Variants in SDK2 observed in about 807,000 individuals in gnomAD.
SDK2 encodes sidekick cell adhesion molecule 2.
SDK2 carries 105 observed loss-of-function variants against 253.9 expected under a neutral mutation model. The observed-to-expected ratio is 0.41, with a 90% CI of 0.35 to 0.49. SDK2 has a LOEUF of 0.49. SDK2 is among the 20% of genes least tolerant of loss of function. SDK2 has a pLI of 0.06. For missense variants in SDK2, 2,608 were observed against 3,003.0 expected (o/e 0.87, Z 3.07); for synonymous variants, 1,249 against 1,234.9 (o/e 1.01, Z -0.24).
intron 14 of SDK2, 138 bp downstream of exon 14, chr17:73,423,248 A>T: frequency 1.3e-6 from 1 of 770,598 alleles, no homozygotes; most frequent in Non-Finnish European, 1.8e-6. Context: ...CAGAGATGGG[A>T]ACGCTGAGGC....
rs373715499 is a variant in SDK2 at position 73,352,507 on chromosome 17, G to A, written c.5724C>T (p.Phe1908=). The change falls in exon 41 of 45, where the codon TTC becomes TTT. Residue 1908 remains phenylalanine (F), a synonymous_variant. Coordinates refer to ENST00000392650, the MANE Select transcript of SDK2 (RefSeq NM_001144952.2). The surrounding 1 kb of genome is among the most constrained non-coding windows in gnomAD (Gnocchi z 4.1). Reference sequence around the variant, plus strand: ...ACTGGGAGGGGCTGCTGGGGGTGCCGAAACCATAGTCGTTGACCGCGATGA... The same window carrying A: ...ACTGGGAGGGGCTGCTGGGGGTGCCAAAACCATAGTCGTTGACCGCGATGA... The part of the protein sequence containing the change: ...FRVIAVNDYG[F]GTPSSPSQSV... The A allele has an allele frequency of 6.2e-5, 100 of 1,613,630 alleles. No individual in the cohort carries two copies. The highest frequency in any genetic ancestry group is 1.1e-4 in the South Asian group (10 of 91,006).
chr17:73,493,025 C>T (rs926008180), intron 2 of SDK2, among the ~76,000 whole-genome samples: 1 of 152,146 alleles, frequency 6.6e-6, no homozygotes, highest in Non-Finnish European at 1.5e-5. Flanking sequence ...TCAGGGTAAG[C>T]GGGGTCTCCA....
At chr17:73,561,875 C>T (rs2045240095) in intron 1 of SDK2, among the ~76,000 whole-genome samples, 1 of 152,208 alleles carries the variant, frequency 6.6e-6, no homozygotes, top group Non-Finnish European at 1.5e-5. Context: ...CCTGTAATCC[C>T]AGCACTTTGG....
intron 14 of SDK2, among the ~76,000 whole-genome samples, chr17:73,423,017 G>A (rs919673708): frequency 5.2e-4 from 43 of 83,016 alleles, no homozygotes; most frequent in Middle Eastern, 5.7e-3. Flanking sequence ...GTGAAACTCC[G>A]TCTCAAAAAT....
chr17:73,440,703 T>A, intron 6 of SDK2, 109 bp downstream of exon 6: 2 of 790,672 alleles, frequency 2.5e-6, no homozygotes, highest in Non-Finnish European at 4.4e-6. Flanking sequence ...TCCTCCCCTG[T>A]CCTGGATCCT....
intron 44 of SDK2, among the ~76,000 whole-genome samples, chr17:73,345,306 C>G (rs181299076): frequency 6.7e-6 from 1 of 150,266 alleles, no homozygotes; most frequent in East Asian, 2.0e-4. Flanking sequence ...GGGACAAGAG[C>G]GAGACTTCAT....
At chr17:73,433,589 G>C in intron 10 of SDK2, 143 bp downstream of exon 10, 1 of 615,450 alleles carries the variant, frequency 1.6e-6, no homozygotes, top group South Asian at 1.9e-5. Context: ...GCGCCCGGCC[G>C]AGAGATGCTC....
intron 1 of SDK2, among the ~76,000 whole-genome samples, chr17:73,559,007 C>T (rs73351519): frequency 0.027 from 4,078 of 152,264 alleles, 209 homozygotes; most frequent in African/African-American, 0.092. Context: ...GAGAAACAAA[C>T]GAAAGTTAGC....
At chr17:73,613,678 C>A (rs2046009599) in intron 1 of SDK2, among the ~76,000 whole-genome samples, 1 of 150,882 alleles carries the variant, frequency 6.6e-6, no homozygotes, top group South Asian at 2.1e-4. Context: ...GGCCAACCCC[C>A]ATCCAGTGGC....
Position 73,379,350 on chromosome 17 carries a change from G to A in SDK2, c.4865-58C>T. On this transcript the variant is annotated intron_variant, in intron 35 of 44. Coordinates refer to ENST00000392650, the MANE Select transcript of SDK2 (RefSeq NM_001144952.2). The surrounding 1 kb of genome is among the most constrained non-coding windows in gnomAD (Gnocchi z 4.5). ...CGAGTAAACCTGGGAGGGGAGGTGG[G>A]CTGGGCGGGATGGGGAGCCCAGATC... The A allele has an allele frequency of 1.4e-6, 2 of 1,465,610 alleles. No individual in the cohort carries two copies. The highest frequency in any genetic ancestry group is 1.2e-5 in the South Asian group (1 of 82,030). The allele number at this position is 1,465,610 out of a possible 1,614,324, so 90.8% of individuals were successfully genotyped here. A position where few individuals can be genotyped will look rare whatever the true frequency, so the allele number is the denominator to read the frequency against.
At chr17:73,555,819 A>G (rs1484958479) in intron 1 of SDK2, among the ~76,000 whole-genome samples, 1 of 152,070 alleles carries the variant, frequency 6.6e-6, no homozygotes, top group African/African-American at 2.4e-5. Context: ...AAAAGCAAAC[A>G]CGGGACTGAA....
intron 3 of SDK2, 69 bp downstream of exon 3, chr17:73,472,043 A>T (rs2063654783): frequency 2.6e-6 from 3 of 1,145,910 alleles, no homozygotes; most frequent in Non-Finnish European, 3.8e-6. Context: ...TCTGCCCAGG[A>T]TGTGGCTGGT....
chr17:73,394,138 C>T (rs1212582227), intron 26 of SDK2, 71 bp downstream of exon 26: 12 of 952,966 alleles, frequency 1.3e-5, no homozygotes, highest in East Asian at 8.3e-5. Context: ...GTGATAAGGA[C>T]AAGGCCCCTT....
intron 24 of SDK2, among the ~76,000 whole-genome samples, chr17:73,396,685 T>C (rs1338140995): frequency 6.6e-6 from 1 of 152,256 alleles, no homozygotes; most frequent in Non-Finnish European, 1.5e-5. Flanking sequence ...TCTAGGGCCC[T>C]GTGCCACATG....
chr17:73,544,500 G>A (rs2044924278), intron 1 of SDK2, among the ~76,000 whole-genome samples: 1 of 152,160 alleles, frequency 6.6e-6, no homozygotes, highest in Non-Finnish European at 1.5e-5. Context: ...ATGGATGGAT[G>A]GAAAGAAGGA....
intron 1 of SDK2, among the ~76,000 whole-genome samples, chr17:73,557,834 C>T (rs2045168425): frequency 6.6e-6 from 1 of 152,104 alleles, no homozygotes; most frequent in Non-Finnish European, 1.5e-5. Flanking sequence ...TCTGTGAGTC[C>T]AGATTTCCTG....
At chr17:73,358,037 A>T (rs369489196) in intron 40 of SDK2, 42 bp downstream of exon 40, 25 of 1,611,746 alleles carry the variant, frequency 1.6e-5, no homozygotes, top group Middle Eastern at 3.3e-4. Flanking sequence ...AAGAAGGGAG[A>T]TAATGAGCTG....
intron 1 of SDK2, among the ~76,000 whole-genome samples, chr17:73,561,247 G>GC: frequency 6.6e-6 from 1 of 152,306 alleles, no homozygotes; most frequent in Admixed American, 6.5e-5. Flanking sequence ...GGTTGGTAGG[G>GC]CCGATGCCTT....
chr17:73,470,426 C>T (rs2063641213), intron 3 of SDK2, among the ~76,000 whole-genome samples: 2 of 152,200 alleles, frequency 1.3e-5, no homozygotes, highest in Admixed American at 6.5e-5. Context: ...CACACCTTGG[C>T]ACACACTCAT....
Sources: allele counts gnomAD v4.1 joint callset (sites outside exome capture counted in the v4.1 genomes callset), GRCh38; gene constraint gnomAD v4.1.1; non-coding constraint Gnocchi (gnomAD v3.1); transcripts MANE v1.5; gene names NCBI Gene and HGNC (gene_info 2026-07-23, HGNC 2026-07-21).